The following SGCZ variants were observed in gnomAD, a reference collection of about 807,000 sequenced individuals.
The protein encoded by SGCZ is sarcoglycan zeta.
Under a neutral mutation model 41.3 loss-of-function variants are expected in SGCZ, and 40 were observed. The observed-to-expected ratio is 0.97, with a 90% CI of 0.75 to 1.26. The LOEUF (loss-of-function observed/expected upper bound fraction) is 1.26. SGCZ is among the 50% of genes most tolerant of loss of function. The pLI is 0.00. For missense variants in SGCZ, 552 were observed against 369.8 expected (o/e 1.49, Z -4.04); for synonymous variants, 206 against 137.5 (o/e 1.50, Z -3.49).
At chr8:14,237,835 A>T (rs1159240117) in intron 3 of SGCZ, among the ~76,000 whole-genome samples, 156 bp from the exon 4 acceptor site, 1 of 152,260 alleles carries the variant, frequency 6.6e-6, no homozygotes, top group Non-Finnish European at 1.5e-5. Flanking sequence ...TGGACAATGT[A>T]CAAAACTGAG....
At chr8:15,142,949 T>A (rs975870230) in intron 1 of SGCZ, among the ~76,000 whole-genome samples, 1 of 152,182 alleles carries the variant, frequency 6.6e-6, no homozygotes, top group African/African-American at 2.4e-5. Context: ...TCTGTAATAT[T>A]TTTATGGTAC....
chr8:14,831,908 A>C lies in SGCZ; in HGVS notation c.40-276982T>G, dbSNP rs570560501. On this transcript the variant is annotated intron_variant, in intron 1 of 7. Coordinates refer to ENST00000382080, the MANE Select transcript of SGCZ (RefSeq NM_139167.4). ...CTTGTATATATATGTTTGTGTATAC[A>C]CACACAAACAGTACATACACCTAAT... Among the ~76,000 whole-genome samples the C allele has an allele frequency of 2.0e-5, 3 of 152,144 alleles. No individual in the cohort carries two copies. In the East Asian group the frequency reaches 5.8e-4, roughly 30 times the overall value.
chr8:14,753,473 T>C (rs905608970), intron 1 of SGCZ, among the ~76,000 whole-genome samples: 1 of 152,110 alleles, frequency 6.6e-6, no homozygotes, highest in Non-Finnish European at 1.5e-5. Context: ...AAGAAGAAAA[T>C]TTTTCAAATA....
chr8:14,830,907 C>T (rs565346486), intron 1 of SGCZ, among the ~76,000 whole-genome samples: 1 of 152,082 alleles, frequency 6.6e-6, no homozygotes, highest in African/African-American at 2.4e-5. Context: ...TCAGAGCTTT[C>T]TGGATCAAAG....
chr8:14,096,046 C>A (rs1801834848), intron 7 of SGCZ, among the ~76,000 whole-genome samples: 2 of 152,138 alleles, frequency 1.3e-5, no homozygotes, highest in East Asian at 3.9e-4. Flanking sequence ...ATGTCATCTG[C>A]AAACAGAGAC....
chr8:14,671,072 C>G lies in SGCZ; in HGVS notation c.40-116146G>C, dbSNP rs1238061988. The stretch of plus-strand genomic sequence containing the variant: ...AGGAGTCCACTGCGCATTCATTTTC[C>G]TCTTCTTCAGTGTCTCTGGATTTAT... On this transcript the variant is annotated intron_variant, in intron 1 of 7. Transcript: ENST00000382080. 2.6e-5 allele frequency among the ~76,000 whole-genome samples: 4 copies of G among 152,310 alleles called. No individual in the cohort carries two copies. In the East Asian group the frequency reaches 5.8e-4, roughly 22 times the overall value.
chr8:14,391,681 G>C (rs1033011524), intron 2 of SGCZ, among the ~76,000 whole-genome samples: 5 of 152,120 alleles, frequency 3.3e-5, no homozygotes, highest in Non-Finnish European at 7.4e-5. Context: ...TGGATTTAGG[G>C]ATATAGTGAC....
chr8:14,432,019 T>TA (rs1266321995), intron 2 of SGCZ, among the ~76,000 whole-genome samples: 9 of 151,634 alleles, frequency 5.9e-5, no homozygotes, highest in Middle Eastern at 3.4e-3. Context: ...ATCCAAAAAT[T>TA]AAAAAAAATA....
intron 1 of SGCZ, among the ~76,000 whole-genome samples, chr8:14,911,780 CTTTCA>C (rs1799287334): frequency 1.3e-5 from 2 of 151,562 alleles, no homozygotes; most frequent in African/African-American, 2.4e-5. Context: ...CAATCTATTC[CTTTCA>C]TTTATTTCCT....
intron 2 of SGCZ, among the ~76,000 whole-genome samples, chr8:14,416,790 A>C (rs902331864): frequency 4.0e-5 from 6 of 151,798 alleles, no homozygotes; most frequent in Non-Finnish European, 1.5e-5. Context: ...GACTCAATTT[A>C]TTTTCCTGTA....
chr8:15,140,021 G>C (rs888741092), intron 1 of SGCZ, among the ~76,000 whole-genome samples: 1 of 151,696 alleles, frequency 6.6e-6, no homozygotes, highest in Non-Finnish European at 1.5e-5. Flanking sequence ...TGGTTATAAA[G>C]CCTTTTTTTT....
intron 2 of SGCZ, chr8:14,332,527 A>C (rs1802370465): frequency 6.6e-6 from 1 of 152,132 alleles, no homozygotes; most frequent in Non-Finnish European, 1.5e-5. Flanking sequence ...GATGGAGTAA[A>C]AACGGACGCA....
chr8:14,149,053 T>C (rs1803614809), intron 5 of SGCZ, among the ~76,000 whole-genome samples: 1 of 152,078 alleles, frequency 6.6e-6, no homozygotes, highest in Non-Finnish European at 1.5e-5. Flanking sequence ...ACAAAAGTTC[T>C]ATATAAGACA....
chr8:14,658,614 T>G, intron 1 of SGCZ, among the ~76,000 whole-genome samples: 1 of 152,206 alleles, frequency 6.6e-6, no homozygotes, highest in South Asian at 2.1e-4. Flanking sequence ...TCTTGAGTCC[T>G]GCTCTCTGTC....
intron 2 of SGCZ, among the ~76,000 whole-genome samples, chr8:14,331,065 ATAT>A (rs1325665096): frequency 6.6e-6 from 1 of 151,722 alleles, no homozygotes; most frequent in Non-Finnish European, 1.5e-5. Flanking sequence ...ATATCTAAAG[ATAT>A]TATTTATTAT....
chr8:14,182,596 T>A (rs1228777298), intron 4 of SGCZ, among the ~76,000 whole-genome samples: 2 of 152,048 alleles, frequency 1.3e-5, no homozygotes, highest in African/African-American at 4.8e-5. Flanking sequence ...GAAGGTTTTC[T>A]CATAACAATG....
chr8:14,633,631 C>A (rs1339245182), intron 1 of SGCZ, among the ~76,000 whole-genome samples: 1 of 151,798 alleles, frequency 6.6e-6, no homozygotes, highest in African/African-American at 2.4e-5. Context: ...CTGTTTTTAT[C>A]TAATTAGGGA....
intron 1 of SGCZ, among the ~76,000 whole-genome samples, chr8:14,897,165 A>G (rs569325505): frequency 6.6e-6 from 1 of 152,182 alleles, no homozygotes; most frequent in African/African-American, 2.4e-5. Flanking sequence ...GTGTTATTAA[A>G]AGAAATAAAT....
chr8:14,624,555 A>ATTATTATTATTATTTT (rs1438250019), intron 1 of SGCZ, among the ~76,000 whole-genome samples: 1 of 96,248 alleles, frequency 1.0e-5, no homozygotes, highest in Non-Finnish European at 2.0e-5. Flanking sequence ...TATTATTATT[A>ATTATTATTATTATTTT]TTTTTTTTTT....
Sources: allele counts gnomAD v4.1 joint callset (sites outside exome capture counted in the v4.1 genomes callset), GRCh38; gene constraint gnomAD v4.1.1; transcripts MANE v1.5; gene names NCBI Gene and HGNC (gene_info 2026-07-23, HGNC 2026-07-21).